Variants in STMN1 observed in about 807,000 individuals in gnomAD.
The protein encoded by STMN1 is stathmin.
Under a neutral mutation model 19.7 loss-of-function variants are expected in STMN1, and 3 were observed. The observed-to-expected ratio is 0.15, with a 90% CI of 0.07 to 0.39. The LOEUF is 0.39. Among genes scored for constraint, STMN1 ranks in the 10% least tolerant of loss-of-function variants. STMN1 has a pLI of 1.00. For missense variants in STMN1, 99 were observed against 176.0 expected, an observed-to-expected ratio of 0.56 and a Z score of 2.48; for synonymous variants, 59 against 58.9, an observed-to-expected ratio of 1.00 and a Z score of -0.01.
downstream of STMN1, among the ~76,000 whole-genome samples, chr1:25,897,604 C>G (rs980284530): frequency 6.6e-6 from 1 of 152,046 alleles, no homozygotes; most frequent in African/African-American, 2.4e-5. Context: ...GAGGTGGGAA[C>G]GGCTGAATAG....
upstream of STMN1, chr1:25,906,694 G>A (rs2048957818): frequency 6.6e-6 from 1 of 152,500 alleles, no homozygotes; most frequent in East Asian, 1.9e-4. The surrounding 1 kb of genome is among the most constrained non-coding windows in gnomAD (Gnocchi z 4.5). Context: ...AAGAGGGCGT[G>A]GCAGTGGACC....
Position 25,906,011 on chromosome 1 carries a change from G to A in STMN1, c.-63+378C>T, listed in dbSNP as rs1420909521. 3 of 152,318 alleles carry A rather than the reference G, an allele frequency of 2.0e-5. No homozygotes were observed. Among genetic ancestry groups the A allele is most frequent in the African/African-American group, 7.2e-5 (3 of 41,568 alleles). The allele number at this position is 152,318 out of a possible 1,614,324, so 9.4% of individuals were successfully genotyped here. A position where few individuals can be genotyped will look rare whatever the true frequency, so the allele number is the denominator to read the frequency against. ...CCCGCAGTTTGGTCCTAAAGCCGCT[G>A]GTCCCTGGGGCACCGCCCCGTCCCT... On this transcript the variant is annotated intron_variant, in intron 1 of 4. Coordinates refer to ENST00000455785, the MANE Select transcript of STMN1 (RefSeq NM_005563.4). This position sits in a 1 kb window ranked among gnomAD's most constrained non-coding sequence, Gnocchi z 4.5.
At chr1:25,900,037 C>T (rs1437456845), downstream of STMN1, 11 of 954,416 alleles carry the variant, frequency 1.2e-5, no homozygotes, top group Middle Eastern at 5.3e-4. Flanking sequence ...TACAAGATGA[C>T]GTATCTGCCA....
chr1:25,893,618 G>A (rs1006102996), intron 4 of STMN1, among the ~76,000 whole-genome samples: 2 of 152,196 alleles, frequency 1.3e-5, no homozygotes, highest in Non-Finnish European at 1.5e-5. Flanking sequence ...TCGGCTCACT[G>A]CAACCTCCGC....
downstream of STMN1, among the ~76,000 whole-genome samples, chr1:25,897,757 A>G (rs1260053214): frequency 6.6e-6 from 1 of 152,184 alleles, no homozygotes; most frequent in African/African-American, 2.4e-5. Flanking sequence ...AGCTTCTCCT[A>G]CTAGCTTAGG....
rs2048946663 is a variant in STMN1, at chr1:25,906,205, G to A, written c.-63+184C>T. 1 of 152,116 alleles carries A rather than the reference G, an allele frequency of 6.6e-6. No homozygotes were observed. The highest frequency in any genetic ancestry group is 1.5e-5 in the Non-Finnish European group (1 of 68,036). 9.4% of individuals were successfully genotyped at this position (152,116 alleles called of 1,614,324 possible). A position where few individuals can be genotyped will look rare whatever the true frequency, so the allele number is the denominator to read the frequency against. ...CGCGCCCCCGGAGAGCGGGGACAAA[G>A]GCGAGGCTCCGCCCGAGCCACACAC... is the stretch of plus-strand genomic sequence containing the variant. On this transcript the variant is annotated intron_variant, in intron 1 of 4. Coordinates refer to ENST00000455785, the MANE Select transcript of STMN1 (RefSeq NM_005563.4). This position sits in a 1 kb window ranked among gnomAD's most constrained non-coding sequence, Gnocchi z 4.5.
chr1:25,898,325 TTCTCC>T (rs1410724519), downstream of STMN1, among the ~76,000 whole-genome samples: 1 of 152,178 alleles, frequency 6.6e-6, no homozygotes, highest in African/African-American at 2.4e-5. Flanking sequence ...CTCATGTCCT[TTCTCC>T]TCTCAAAGCT....
intron 4 of STMN1, among the ~76,000 whole-genome samples, chr1:25,890,146 G>C (rs1449687558): frequency 1.3e-5 from 2 of 152,204 alleles, no homozygotes; most frequent in African/African-American, 4.8e-5. Flanking sequence ...ATACGTGGAT[G>C]GAGAGGCTTG....
rs772250982 is a variant in STMN1, at chr1:25,904,721, A to G, written c.-45T>C. On this transcript the variant is annotated 5_prime_UTR_variant, in exon 2 of 5. Coordinates refer to ENST00000455785, the MANE Select transcript of STMN1 (RefSeq NM_005563.4). ...ACAGGCAGTGTATTCTGCACAATCA[A>G]CTGGGATAAGGAAAGTCCTGAAAAT... 3.7e-6 allele frequency: 6 copies of G among 1,607,402 alleles called. No homozygotes were observed. The highest frequency in any genetic ancestry group is 3.4e-5 in the South Asian group (3 of 89,018).
intron 3 of STMN1, chr1:25,903,309 C>T (rs896900753): frequency 4.9e-6 from 1 of 202,662 alleles, no homozygotes; most frequent in Non-Finnish European, 1.0e-5. Flanking sequence ...ATGAGAGAAG[C>T]ATGAGCTTTG....
downstream of STMN1, among the ~76,000 whole-genome samples, chr1:25,899,921 A>C (rs2048852443): frequency 6.6e-6 from 1 of 152,156 alleles, no homozygotes; most frequent in Admixed American, 6.5e-5. Context: ...GAGGCACAAA[A>C]TATGTATAAT....
intron 4 of STMN1, among the ~76,000 whole-genome samples, chr1:25,890,216 A>G (rs2048760385): frequency 6.6e-6 from 1 of 152,336 alleles, no homozygotes; most frequent in South Asian, 2.1e-4. Flanking sequence ...AAAGCAGAAG[A>G]AGGAGCTTGG....
intron 4 of STMN1, among the ~76,000 whole-genome samples, chr1:25,889,996 C>T (rs2048758255): frequency 6.6e-6 from 1 of 152,212 alleles, no homozygotes; most frequent in African/African-American, 2.4e-5. Context: ...CAGCACTCAT[C>T]CTAATCTCTT....
intron 4 of STMN1, among the ~76,000 whole-genome samples, chr1:25,891,098 C>T (rs970251972): frequency 3.3e-5 from 5 of 152,122 alleles, no homozygotes; most frequent in East Asian, 1.9e-4. Context: ...TTTGGGAGGC[C>T]GAGGTGGCTG....
At chr1:25,896,021 G>T (rs1390238422), downstream of STMN1, among the ~76,000 whole-genome samples, 1 of 152,226 alleles carries the variant, frequency 6.6e-6, no homozygotes, top group East Asian at 1.9e-4. Flanking sequence ...AGTGGTGAAT[G>T]TGACAGGAGG....
chr1:25,890,184 T>C (rs2048760184), intron 4 of STMN1, among the ~76,000 whole-genome samples: 1 of 152,176 alleles, frequency 6.6e-6, no homozygotes. Context: ...GGGAACCTTC[T>C]AGCTCTTGAA....
chr1:25,897,671 C>T (rs140289913), downstream of STMN1, among the ~76,000 whole-genome samples: 149 of 152,132 alleles, frequency 9.8e-4, no homozygotes, highest in African/African-American at 3.4e-3. Context: ...GGAATTGTTC[C>T]GGGCAACGAG....
At chr1:25,896,647 A>T (rs2048820298), downstream of STMN1, among the ~76,000 whole-genome samples, 1 of 152,208 alleles carries the variant, frequency 6.6e-6, no homozygotes, top group Non-Finnish European at 1.5e-5. Context: ...CCTTCCATGA[A>T]GCTGCTGCAT....
At chr1:25,895,511 C>A (rs1051206071), downstream of STMN1, among the ~76,000 whole-genome samples, 1 of 152,106 alleles carries the variant, frequency 6.6e-6, no homozygotes, top group Non-Finnish European at 1.5e-5. Context: ...AGGGGCAGGG[C>A]GGATCCAGCG....
Sources: allele counts gnomAD v4.1 joint callset (sites outside exome capture counted in the v4.1 genomes callset), GRCh38; gene constraint gnomAD v4.1.1; non-coding constraint Gnocchi (gnomAD v3.1); transcripts MANE v1.5; gene names NCBI Gene and HGNC (gene_info 2026-07-23, HGNC 2026-07-21).